TBCD: variants seen among roughly 807,000 people sequenced by gnomAD.
TBCD encodes the protein tubulin folding cofactor D.
TBCD carries 105 observed loss-of-function variants against 169.3 expected under a neutral mutation model. The observed-to-expected ratio is 0.62, with a 90% confidence interval of 0.53 to 0.73. The LOEUF (loss-of-function observed/expected upper bound fraction) is 0.73, where lower values mean the gene tolerates loss of function less well. Ranked by LOEUF, TBCD falls within the 30% of genes least tolerant of loss-of-function variation. The pLI is 0.00. For missense variants in TBCD, 1,444 were observed against 1,600.1 expected, an observed-to-expected ratio of 0.90 and a Z score of 1.66; for synonymous variants, 700 against 643.9, an observed-to-expected ratio of 1.09 and a Z score of -1.32.
rs11653084 is a variant in TBCD, at chr17:82,834,000, C to A, written c.1318+19066C>A. Among the ~76,000 whole-genome samples the A allele has an allele frequency of 0.46, 70,316 of 151,322 alleles. 17,239 individuals are homozygous for A. Among genetic ancestry groups the A allele is most frequent in the South Asian group, 0.64 (3,077 of 4,796 alleles). ...TCCCTTGTTGCCCAGTCTGGAGTGC[C>A]ATGGCGCAATCTCAGCTCACTGCAA... is the stretch of plus-strand genomic sequence containing the variant. On this transcript the variant is annotated intron_variant, in intron 13 of 38. Transcript: ENST00000355528. The surrounding 1 kb of genome is among the most constrained non-coding windows in gnomAD (Gnocchi z 4.7).
Position 82,884,241 on chromosome 17 carries a change from G to T in TBCD, c.1533+39G>T, listed in dbSNP as rs368629471. Reference sequence around the variant, plus strand: ...TTTTGATATTTCCTTTCCTGAAGGTGGGGGGTGGGCCTGGTCTCCCTGATG... The same window carrying T: ...TTTTGATATTTCCTTTCCTGAAGGTTGGGGGTGGGCCTGGTCTCCCTGATG... On this transcript the variant is annotated intron_variant, in intron 15 of 38. Transcript: ENST00000355528. This position sits in a 1 kb window ranked among gnomAD's most constrained non-coding sequence, Gnocchi z 4.2. 122 of 1,553,660 alleles carry T rather than the reference G, an allele frequency of 7.9e-5. No homozygotes were observed. In the African/African-American group the frequency reaches 1.5e-3, roughly 18 times the overall value.
Position 82,937,403 on chromosome 17 carries a change from G to A in TBCD, c.3281+43G>A, listed in dbSNP as rs148591672. The A allele has an allele frequency of 7.7e-3, 12,080 of 1,578,584 alleles. 85 individuals are homozygous for A. The highest frequency in any genetic ancestry group is 0.016 in the East Asian group (707 of 44,686). ...CTGGCCTTAGACGGAATGGCAGGGC[G>A]CAGCCTCCCTTGGCTGAGGGCAGGA... On this transcript the variant is annotated intron_variant, in intron 35 of 38. Transcript: ENST00000355528.
At chr17:82,883,267 C>T (rs1444634717) in intron 14 of TBCD, among the ~76,000 whole-genome samples, 2 of 152,388 alleles carry the variant, frequency 1.3e-5, no homozygotes, top group South Asian at 2.1e-4. Context: ...CCGCTTATCT[C>T]CGCGTGTCTG....
intron 14 of TBCD, among the ~76,000 whole-genome samples, 199 bp from the exon 15 acceptor site, chr17:82,883,946 C>T (rs1403607572): frequency 6.7e-6 from 1 of 148,266 alleles, no homozygotes; most frequent in Non-Finnish European, 1.5e-5. Flanking sequence ...ACCCCCAGCT[C>T]CCACATGGCG....
Position 82,806,656 on chromosome 17 carries a change from G to C in TBCD, c.1087+645G>C, listed in dbSNP as rs895228619. On this transcript the variant is annotated intron_variant, in intron 10 of 38. Coordinates refer to ENST00000355528, the MANE Select transcript of TBCD (RefSeq NM_005993.5). This position sits in a 1 kb window ranked among gnomAD's most constrained non-coding sequence, Gnocchi z 5.1. ...GTATCTCCCAGCTTCCTGATGGGCA[G>C]GCGGGGCCACGCTGCCTGTGCTGTG... is the stretch of plus-strand genomic sequence containing the variant. 3.3e-5 allele frequency among the ~76,000 whole-genome samples: 5 copies of C among 152,074 alleles called. No individual in the cohort carries two copies. Among genetic ancestry groups the C allele is most frequent in the African/African-American group, 1.2e-4 (5 of 41,410 alleles).
Position 82,922,026 on chromosome 17 carries a change from C to G in TBCD, c.2178+449C>G, listed in dbSNP as rs2061447395. ...AGTGTGTGTGTGTGTCCCCGGCCAC[C>G]TGCCCTCCCCTCCCGTCCTGGGGGT... On this transcript the variant is annotated intron_variant, in intron 25 of 38. Coordinates refer to ENST00000355528, the MANE Select transcript of TBCD (RefSeq NM_005993.5). The surrounding 1 kb of genome is among the most constrained non-coding windows in gnomAD (Gnocchi z 4.1). Among the ~76,000 whole-genome samples, 1 of 152,164 alleles carries G rather than the reference C, an allele frequency of 6.6e-6. No individual in the cohort carries two copies.
rs200245780 is a variant in TBCD, at chr17:82,781,579, C to T, written c.639-10C>T. The T allele has an allele frequency of 5.1e-5, 82 of 1,613,410 alleles. No homozygotes were observed. In the African/African-American group the frequency reaches 8.1e-4, roughly 16 times the overall value. On this transcript the variant is annotated splice_polypyrimidine_tract_variant and intron_variant, in intron 6 of 38. Transcript: ENST00000355528. ...GCTGAGGCCTTGGTTGAGCTGTATC[C>T]TTTTGGCAGATTTATCACACGTCCT... is the stretch of plus-strand genomic sequence containing the variant.
rs146491968 is a variant in TBCD, at chr17:82,832,031, C to T, written c.1318+17097C>T. On this transcript the variant is annotated intron_variant, in intron 13 of 38. Coordinates refer to ENST00000355528, the MANE Select transcript of TBCD (RefSeq NM_005993.5). The surrounding 1 kb of genome is among the most constrained non-coding windows in gnomAD (Gnocchi z 4.9). Reference sequence around the variant, plus strand: ...TGGGCACCGAGGGCGGCTTCCGGAGCTGGGCTCTTGCAGGGTGATGCCCTG... The same window carrying T: ...TGGGCACCGAGGGCGGCTTCCGGAGTTGGGCTCTTGCAGGGTGATGCCCTG... 1,059 of 1,612,770 alleles carry T rather than the reference C, an allele frequency of 6.6e-4. 1 individual carries two copies. Among genetic ancestry groups the T allele is most frequent in the Non-Finnish European group, 5.7e-4 (669 of 1,178,908 alleles).
chr17:82,855,507 A>G (rs2145722479), intron 13 of TBCD, among the ~76,000 whole-genome samples: 1 of 151,812 alleles, frequency 6.6e-6, no homozygotes, highest in Non-Finnish European at 1.5e-5. Flanking sequence ...GGCTCACGTG[A>G]TCTACTCACC....
Position 82,831,344 on chromosome 17 carries a change from TG to T in TBCD, c.1318+16414del. The T allele has an allele frequency of 6.2e-7, 1 of 1,614,050 alleles. No individual in the cohort carries two copies. On this transcript the variant is annotated intron_variant, in intron 13 of 38. Transcript: ENST00000355528. The surrounding 1 kb of genome is among the most constrained non-coding windows in gnomAD (Gnocchi z 4.6). The stretch of plus-strand genomic sequence containing the variant: ...CTTTCGAACTCGACGTGTTTTCTGT[TG>T]GGGTCCGAAGGGTTTAACCTGGAAG...
At chr17:82,921,208 G>T in intron 24 of TBCD, 1 of 481,586 alleles carries the variant, frequency 2.1e-6, no homozygotes, top group Non-Finnish European at 3.7e-6. Flanking sequence ...ACCGTTTGAA[G>T]GAAAAGATTT....
In TBCD at chr17:82,880,252, G is replaced by A. The variant is rs1372628753; in HGVS notation, c.1476-3893G>A. On this transcript the variant is annotated intron_variant, in intron 14 of 38. Transcript: ENST00000355528. The surrounding 1 kb of genome is among the most constrained non-coding windows in gnomAD (Gnocchi z 5.0). ...TGTACTCAAATTCCTGGGCTCAAGG[G>A]ATCCTCCTGCCTCTGCCTCCCACAG... Among the ~76,000 whole-genome samples, 1 of 152,096 alleles carries A rather than the reference G, an allele frequency of 6.6e-6. No individual in the cohort carries two copies. The highest frequency in any genetic ancestry group is 1.5e-5 in the Non-Finnish European group (1 of 68,014).
chr17:82,918,669 GCACCGCTTCATTC>G (rs939405875), intron 23 of TBCD: 13 of 152,064 alleles, frequency 8.5e-5, no homozygotes, highest in Non-Finnish European at 1.3e-4. Context: ...AGAGGCTGAG[GCACCGCTTCATTC>G]CACCGCTGAG....
intron 13 of TBCD, among the ~76,000 whole-genome samples, chr17:82,847,301 C>T (rs1307602106): frequency 4.8e-5 from 7 of 147,294 alleles, no homozygotes; most frequent in Non-Finnish European, 7.4e-5. Flanking sequence ...TGCAGTGAGC[C>T]GAGATCATGC....
At position 82,897,653 on chromosome 17, in the gene TBCD, C is replaced by T. The variant is rs1361683838; in HGVS notation, c.1650-2998C>T. ...TTGGCAGATGTGAGCTGTTGAATGA[C>T]CACCACTGTGGTCAGTGTGGTGCAC... On this transcript the variant is annotated intron_variant, in intron 17 of 38. Transcript: ENST00000355528. Among the ~76,000 whole-genome samples the T allele has an allele frequency of 2.0e-5, 3 of 152,178 alleles. No individual in the cohort carries two copies. In the East Asian group the frequency reaches 5.8e-4, roughly 29 times the overall value.
At chr17:82,933,273 C>CTTTT (rs10639851) in intron 34 of TBCD, among the ~76,000 whole-genome samples, 24,859 of 114,264 alleles carry the variant, frequency 0.22, 3,471 homozygotes, top group East Asian at 0.39. Context: ...TTGGGCCAGT[C>CTTTT]TTTTTTTTTT....
intron 17 of TBCD, among the ~76,000 whole-genome samples, chr17:82,896,150 G>C (rs769246207): frequency 2.0e-5 from 3 of 152,090 alleles, no homozygotes; most frequent in African/African-American, 7.3e-5. Context: ...AGCTGTGTCT[G>C]CATTTCCCAA....
chr17:82,912,122 G>C (rs2060686925), intron 23 of TBCD, among the ~76,000 whole-genome samples: 1 of 152,264 alleles, frequency 6.6e-6, no homozygotes, highest in South Asian at 2.1e-4. Context: ...GGACATTGCA[G>C]ATCCCTCCGA....
chr17:82,866,508 C>T (rs1009528703), intron 13 of TBCD, among the ~76,000 whole-genome samples: 13 of 152,274 alleles, frequency 8.5e-5, no homozygotes, highest in Admixed American at 4.6e-4. Flanking sequence ...GCCTTGGCAG[C>T]TGCCGCTTCA....
Sources: allele counts gnomAD v4.1 joint callset (sites outside exome capture counted in the v4.1 genomes callset), GRCh38; gene constraint gnomAD v4.1.1; non-coding constraint Gnocchi (gnomAD v3.1); transcripts MANE v1.5; gene names NCBI Gene and HGNC (gene_info 2026-07-23, HGNC 2026-07-21).